Variants in UNC13A observed in about 807,000 individuals in gnomAD.
UNC13A encodes the protein unc-13 homolog A.
UNC13A carries 61 observed loss-of-function variants against 219.7 expected under a neutral mutation model. That is an observed-to-expected ratio of 0.28 (90% confidence interval 0.23 to 0.34). UNC13A has a LOEUF of 0.34. Ranked by LOEUF, UNC13A falls within the 10% of genes least tolerant of loss-of-function variation. The pLI is 1.00. For synonymous variants in UNC13A, 920 were observed against 884.6 expected (o/e 1.04, Z -0.71); for missense variants, 1,476 against 2,270.3 (o/e 0.65, Z 7.11).
Position 17,602,229 on chromosome 19 carries a change from A to C in UNC13A, c.*3825T>G, listed in dbSNP as rs914096116. ...GAACAGATCCTTCTTTCTTCAGGAC[A>C]CCCTCTTTACTTCCCCCGACACTCC... On this transcript the variant is annotated 3_prime_UTR_variant, in exon 44 of 44. Coordinates refer to ENST00000519716, the MANE Select transcript of UNC13A (RefSeq NM_001080421.3). 2.6e-5 allele frequency: 4 copies of C among 152,236 alleles called. No homozygotes were observed. 9.4% of individuals were successfully genotyped at this position (152,236 alleles called of 1,614,324 possible).
chr19:17,606,409 C>G (rs2076530800), intron 43 of UNC13A, 55 bp from the exon 44 acceptor site: 1 of 1,521,844 alleles, frequency 6.6e-7, no homozygotes, highest in African/African-American at 1.4e-5. Context: ...GATGCCCCGC[C>G]CACGGCCCCG....
chr19:17,649,347 G>C lies in UNC13A; in HGVS notation c.1519-3C>G, dbSNP rs1374148895. ...ATGTCGCCATCACTCACCATGGCCTGAAGTGTCCACGCAGCACATGGGGGT... is the reference window on the plus strand; with the variant it reads ...ATGTCGCCATCACTCACCATGGCCTCAAGTGTCCACGCAGCACATGGGGGT... On this transcript the variant is annotated splice_region_variant and splice_polypyrimidine_tract_variant and intron_variant, in intron 13 of 43. Coordinates refer to ENST00000519716, the MANE Select transcript of UNC13A (RefSeq NM_001080421.3). This position sits in a 1 kb window ranked among gnomAD's most constrained non-coding sequence, Gnocchi z 4.4. 1.3e-6 allele frequency: 2 copies of C among 1,595,024 alleles called. No individual in the cohort carries two copies. Among genetic ancestry groups the C allele is most frequent in the Non-Finnish European group, 1.7e-6 (2 of 1,174,202 alleles).
At chr19:17,646,251 G>T in intron 17 of UNC13A, 140 bp from the exon 18 acceptor site, 1 of 1,171,608 alleles carries the variant, frequency 8.5e-7, no homozygotes, top group Non-Finnish European at 1.2e-6. Flanking sequence ...CGCTGGGCTT[G>T]CCAGAGAGGT....
intron 5 of UNC13A, 101 bp from the exon 6 acceptor site, chr19:17,668,291 G>T: frequency 8.6e-7 from 1 of 1,162,896 alleles, no homozygotes. Flanking sequence ...GGCTTCTGGG[G>T]TCTTTGGCAA....
intron 1 of UNC13A, among the ~76,000 whole-genome samples, chr19:17,687,502 C>A (rs2080137100): frequency 6.6e-6 from 1 of 152,086 alleles, no homozygotes; most frequent in Admixed American, 6.6e-5. Context: ...CCCCCTCACT[C>A]GGGAGGCCAA....
At position 17,611,925 on chromosome 19, in the gene UNC13A, G is replaced by A. The variant is rs187450829; in HGVS notation, c.4559-70C>T. 32 of 1,380,140 alleles carry A rather than the reference G, an allele frequency of 2.3e-5. No individual in the cohort carries two copies. In the Admixed American group the frequency reaches 4.1e-4, roughly 18 times the overall value. The allele number at this position is 1,380,140 out of a possible 1,614,324, so 85.5% of individuals were successfully genotyped here. ...CCCACCCACCAGGAGGGACCTTGAC[G>A]GCCTCCCACCCACCTGTGCTGGCGG... is the stretch of plus-strand genomic sequence containing the variant. On this transcript the variant is annotated intron_variant, in intron 41 of 43. Coordinates refer to ENST00000519716, the MANE Select transcript of UNC13A (RefSeq NM_001080421.3).
Position 17,627,543 on chromosome 19 carries a change from C to T in UNC13A, c.3886G>A (p.Val1296Ile), listed in dbSNP as rs1470946695. 9.0e-6 allele frequency: 14 copies of T among 1,563,370 alleles called. No individual in the cohort carries two copies. The highest frequency in any genetic ancestry group is 1.9e-5 in the Admixed American group (1 of 52,456). ...AACACCCGGCTGAGCTCATCCAAGA[C>T]GTTATTGAGTTTCACCTGAAGCTCC... ...LKELQVKLNN[V>I]LDELSRVFAT... The change falls in exon 33 of 44, where the codon GTC (valine) becomes ATC (isoleucine). Residue 1296 changes from valine (V) to isoleucine (I), a missense_variant. By Grantham distance (29) the Val-to-Ile change is conservative. Around this residue, in one of 14 missense-constraint regions of UNC13A, gnomAD observed 218 missense variants for 409.4 expected, o/e 0.53. Transcript: ENST00000519716. This position sits in a 1 kb window ranked among gnomAD's most constrained non-coding sequence, Gnocchi z 4.7.
chr19:17,609,434 C>T (rs11666414), intron 43 of UNC13A, among the ~76,000 whole-genome samples: 33,548 of 151,836 alleles, frequency 0.22, 4,475 homozygotes, highest in Non-Finnish European at 0.31. Context: ...CTACACTCCA[C>T]TCCTGTCCCC....
rs1489438240 is a variant in UNC13A at position 17,604,841 on chromosome 19, CTG to C, written c.*1211_*1212del. On this transcript the variant is annotated 3_prime_UTR_variant, in exon 44 of 44. Coordinates refer to ENST00000519716, the MANE Select transcript of UNC13A (RefSeq NM_001080421.3). Reference sequence around the variant, plus strand: ...TAGGCTCTTGGAGACTAAGCTCTCACTGTGTCACTGTGTTTGTGTTTCTCTCT... The same window carrying C: ...TAGGCTCTTGGAGACTAAGCTCTCACTGTCACTGTGTTTGTGTTTCTCTCT... 1 of 151,780 alleles carries C rather than the reference CTG, an allele frequency of 6.6e-6. No individual in the cohort carries two copies. Among genetic ancestry groups the C allele is most frequent in the Non-Finnish European group, 1.5e-5 (1 of 67,786 alleles). The allele number at this position is 151,780 out of a possible 1,614,324, so 9.4% of individuals were successfully genotyped here. A position where few individuals can be genotyped will look rare whatever the true frequency, so the allele number is the denominator to read the frequency against.
chr19:17,619,675 C>T (rs1474133491), intron 38 of UNC13A, among the ~76,000 whole-genome samples: 1 of 152,096 alleles, frequency 6.6e-6, no homozygotes, highest in African/African-American at 2.4e-5. Context: ...TCAATCGATC[C>T]TCCTACCTCA....
At chr19:17,677,275 C>A (rs771917599) in intron 1 of UNC13A, among the ~76,000 whole-genome samples, 2 of 151,992 alleles carry the variant, frequency 1.3e-5, no homozygotes, top group Admixed American at 6.6e-5. Flanking sequence ...TCCCCCACAT[C>A]TTTTTCCTCC....
chr19:17,640,154 C>T (rs1175693505), intron 22 of UNC13A, among the ~76,000 whole-genome samples: 2 of 152,172 alleles, frequency 1.3e-5, no homozygotes, highest in East Asian at 1.9e-4. Context: ...CCTGCCTCAG[C>T]CTCCCAAGTG....
chr19:17,663,409 G>T, intron 8 of UNC13A, 123 bp downstream of exon 8: 2 of 1,061,368 alleles, frequency 1.9e-6, no homozygotes, highest in Non-Finnish European at 1.4e-6. Context: ...GAGCCCTCTG[G>T]CCCCCACGTG....
rs1219861577 is a variant in UNC13A at position 17,631,202 on chromosome 19, C to CCCTT, written c.3429-456_3429-453dup. ...CCTTTCCTTCCTTCCCTCCCTCCCTCCCTTCCTTCCTTCCTTCCTTCTTCC... is the reference window on the plus strand; with the variant it reads ...CCTTTCCTTCCTTCCCTCCCTCCCTCCCTTCCTTCCTTCCTTCCTTCCTTCTTCC... On this transcript the variant is annotated intron_variant, in intron 28 of 43. Transcript: ENST00000519716. Among the ~76,000 whole-genome samples, 39 of 53,440 alleles carry CCCTT rather than the reference C, an allele frequency of 7.3e-4. 1 individual carries two copies. The South Asian group carries it at 0.011, about 14-fold the overall frequency. The allele number at this position is 53,440 out of a possible 152,430, so 35.1% of individuals were successfully genotyped here. A position where few individuals can be genotyped will look rare whatever the true frequency, so the allele number is the denominator to read the frequency against.
chr19:17,635,244 A>T (rs749022417), intron 26 of UNC13A, among the ~76,000 whole-genome samples: 1 of 151,150 alleles, frequency 6.6e-6, no homozygotes, highest in East Asian at 1.9e-4. Context: ...CAAATGATCC[A>T]CCCACCTTGG....
In UNC13A at chr19:17,606,105, G is replaced by C. The variant is rs754854349; in HGVS notation, c.5061C>G (p.Leu1687=). 2 of 1,596,244 alleles carry C rather than the reference G, an allele frequency of 1.3e-6. No individual in the cohort carries two copies. The highest frequency in any genetic ancestry group is 1.7e-6 in the Non-Finnish European group (2 of 1,173,562). ...CCTCGGCGGAGCGCGTGTCCGACTT[G>C]AGCTTCACGAACTCCTTGGCCACCT... ...NDEVAKEFVK[L]KSDTRSAEEG... is the part of the protein sequence containing the mutation. Residue 1687 remains leucine (L), a synonymous_variant, in exon 44 of 44, where the codon CTC becomes CTG. Transcript: ENST00000519716.
chr19:17,608,299 C>T (rs1192857537), intron 43 of UNC13A, among the ~76,000 whole-genome samples: 2 of 133,304 alleles, frequency 1.5e-5, no homozygotes, highest in Non-Finnish European at 1.6e-5. Context: ...ATAATATATA[C>T]TATATATAAT....
chr19:17,664,347 T>C (rs1030440731), intron 7 of UNC13A, among the ~76,000 whole-genome samples: 1 of 152,090 alleles, frequency 6.6e-6, no homozygotes, highest in African/African-American at 2.4e-5. Context: ...AGGGATGGAG[T>C]GAGCAGCCCA....
intron 11 of UNC13A, among the ~76,000 whole-genome samples, chr19:17,653,247 T>C (rs2079384106): frequency 6.6e-6 from 1 of 152,028 alleles, no homozygotes; most frequent in African/African-American, 2.4e-5. Flanking sequence ...CTTGAACTCC[T>C]GGCCTCATGT....
Sources: gnomAD v4.1 joint callset for allele counts (sites outside exome capture counted in the v4.1 genomes callset) on GRCh38, gnomAD v4.1.1 for gene constraint, gnomAD v4.1.1 regional missense constraint, Gnocchi (gnomAD v3.1) non-coding constraint, MANE v1.5 for transcripts, NCBI Gene and HGNC (gene_info 2026-07-23, HGNC 2026-07-21) for gene names.